The following SPNS3 variants were observed in gnomAD, a reference collection of about 807,000 sequenced individuals.
SPNS3 encodes the protein SPNS lysolipid transporter 3, sphingosine-1-phosphate (putative).
Under a neutral mutation model 54.4 loss-of-function variants are expected in SPNS3, and 51 were observed. That is an observed-to-expected ratio of 0.94 (90% confidence interval 0.75 to 1.18). The LOEUF (loss-of-function observed/expected upper bound fraction) is 1.18, where lower values mean the gene tolerates loss of function less well. SPNS3 is among the 50% of genes most tolerant of loss of function. SPNS3 has a pLI of 0.00. For missense variants in SPNS3, 669 were observed against 677.4 expected (o/e 0.99, Z 0.14); for synonymous variants, 309 against 294.7 (o/e 1.05, Z -0.50).
intron 8 of SPNS3, among the ~76,000 whole-genome samples, chr17:4,468,540 G>A (rs1441971037): frequency 6.6e-6 from 1 of 151,836 alleles, no homozygotes; most frequent in East Asian, 1.9e-4. Context: ...GCAGCTAGAA[G>A]CATATGGAGT....
At position 4,434,066 on chromosome 17, in the gene SPNS3, GC is replaced by G. The variant is rs1970652683; in HGVS notation, c.102del (p.Thr35ProfsTer23). ...GCAGGCAGTGTCCCCCTCCCATCAC[GC>G]CCACCTCCTGGAGCCTGCCCCCGTG... ...PGRQCPPPITPTSWSLPPWRA... is the reference protein window; with the variant it reads ...PGRQCPPPITXTSWSLPPWRA... On this transcript the variant is annotated frameshift_variant, in exon 1 of 12. Transcript: ENST00000355530. LOFTEE classifies it high-confidence loss of function. 6 of 1,611,074 alleles carry G rather than the reference GC, an allele frequency of 3.7e-6. No individual in the cohort carries two copies. Among genetic ancestry groups the G allele is most frequent in the Non-Finnish European group, 5.1e-6 (6 of 1,178,798 alleles).
intron 8 of SPNS3, among the ~76,000 whole-genome samples, chr17:4,456,722 G>A (rs11867861): frequency 7.0e-6 from 1 of 143,254 alleles, no homozygotes; most frequent in African/African-American, 2.6e-5. Flanking sequence ...GTTTTTTTTG[G>A]TTTTTTTTTT....
chr17:4,471,903 A>G (rs561125849), intron 8 of SPNS3, among the ~76,000 whole-genome samples: 1 of 150,450 alleles, frequency 6.6e-6, no homozygotes, highest in African/African-American at 2.4e-5. Flanking sequence ...CTGTCGCCCA[A>G]GCTGGAGTGC....
chr17:4,456,050 C>G lies in SPNS3; in HGVS notation c.1113+2845C>G, dbSNP rs537476862. Among the ~76,000 whole-genome samples the G allele has an allele frequency of 7.9e-5, 12 of 152,162 alleles. No individual in the cohort carries two copies. In the South Asian group the frequency reaches 2.5e-3, roughly 32 times the overall value. On this transcript the variant is annotated intron_variant, in intron 8 of 11. Coordinates refer to ENST00000355530, the MANE Select transcript of SPNS3 (RefSeq NM_182538.5). ...CAGGCTGGTCTTGAACTCCTGGGCT[C>G]CAGCAATCCTCTTGCCTCAGCCTCC...
At chr17:4,475,327 G>C (rs974566949) in intron 8 of SPNS3, among the ~76,000 whole-genome samples, 3 of 152,214 alleles carry the variant, frequency 2.0e-5, no homozygotes, top group African/African-American at 7.2e-5. Context: ...AGTCCCCTCT[G>C]GGGCTGGTGT....
intron 8 of SPNS3, among the ~76,000 whole-genome samples, chr17:4,470,096 T>C (rs1386647194): frequency 2.0e-5 from 3 of 152,096 alleles, no homozygotes; most frequent in African/African-American, 7.2e-5. Context: ...TGGGGTTATA[T>C]AGTAGTGCAA....
intron 8 of SPNS3, among the ~76,000 whole-genome samples, chr17:4,467,333 C>T (rs1033065708): frequency 1.3e-5 from 2 of 152,174 alleles, no homozygotes; most frequent in South Asian, 2.1e-4. Flanking sequence ...CCCAAAACTT[C>T]GTGGCTTAAA....
chr17:4,458,608 T>C lies in SPNS3; in HGVS notation c.1113+5403T>C, dbSNP rs927837593. ...TCCCTCCTTTCTTTCTTTCTTTCTTTCTTTCTTTCTTTCTTTCTTTCTTTC... is the reference window on the plus strand; with the variant it reads ...TCCCTCCTTTCTTTCTTTCTTTCTTCCTTTCTTTCTTTCTTTCTTTCTTTC... On this transcript the variant is annotated intron_variant, in intron 8 of 11. Transcript: ENST00000355530. Among the ~76,000 whole-genome samples the C allele has an allele frequency of 5.7e-3, 622 of 108,762 alleles. 10 individuals are homozygous for C. The highest frequency in any genetic ancestry group is 0.021 in the African/African-American group (572 of 26,816). The allele number at this position is 108,762 out of a possible 152,430, so 71.4% of individuals were successfully genotyped here.
rs1251315759 is a variant in SPNS3, at chr17:4,486,541, T to TACCTGGAGAGAGACGAG, written c.1412_1428dup (p.Arg477TrpfsTer133). ...CGGCTGCTTCCTGCTGACTGCGCTG[T>TACCTGGAGAGAGACGAG]ACCTGGAGAGAGACGAGACCCGGGC... is the stretch of plus-strand genomic sequence containing the variant. On this transcript the variant is annotated frameshift_variant, in exon 11 of 12. Coordinates refer to ENST00000355530, the MANE Select transcript of SPNS3 (RefSeq NM_182538.5). LOFTEE classifies it low-confidence loss of function (END_TRUNC). This position sits in a 1 kb window ranked among gnomAD's most constrained non-coding sequence, Gnocchi z 5.5. 1.2e-6 allele frequency: 2 copies of TACCTGGAGAGAGACGAG among 1,613,304 alleles called. No individual in the cohort carries two copies. Among genetic ancestry groups the TACCTGGAGAGAGACGAG allele is most frequent in the East Asian group, 4.5e-5 (2 of 44,872 alleles).
Position 4,486,848 on chromosome 17 carries a change from C to A in SPNS3, c.1450+265C>A, listed in dbSNP as rs75900067. The stretch of plus-strand genomic sequence containing the variant: ...TAAAGATATAGCATGTTCAGGGTGA[C>A]GAGTGCTATGGAGAGGTATAAAGCA... On this transcript the variant is annotated intron_variant, in intron 11 of 11. Coordinates refer to ENST00000355530, the MANE Select transcript of SPNS3 (RefSeq NM_182538.5). The surrounding 1 kb of genome is among the most constrained non-coding windows in gnomAD (Gnocchi z 5.5). 0.022 allele frequency among the ~76,000 whole-genome samples: 3,309 copies of A among 152,004 alleles called. 44 individuals are homozygous for A. The highest frequency in any genetic ancestry group is 0.037 in the Middle Eastern group (11 of 294).
In SPNS3 at chr17:4,453,030, C is replaced by T; in HGVS notation, c.938C>T (p.Ala313Val). The stretch of plus-strand genomic sequence containing the variant: ...TTCCCCATCAGCCTGATTTTTGGGG[C>T]ACTGACCATCATGACCGGCGTCATT... ...CSNPDSLIFG[A>V]LTIMTGVIGV... Residue 313 changes from alanine (A) to valine (V), a missense_variant, in exon 8 of 12, where the codon GCA becomes GTA. Physicochemically the swap from Ala to Val is moderately conservative, Grantham distance 64. Coordinates refer to ENST00000355530, the MANE Select transcript of SPNS3 (RefSeq NM_182538.5). The T allele has an allele frequency of 6.2e-7, 1 of 1,613,472 alleles. No individual in the cohort carries two copies. The highest frequency in any genetic ancestry group is 8.5e-7 in the Non-Finnish European group (1 of 1,179,594).
chr17:4,484,507 G>C (rs1972257758), intron 9 of SPNS3, among the ~76,000 whole-genome samples: 1 of 152,090 alleles, frequency 6.6e-6, no homozygotes, highest in Non-Finnish European at 1.5e-5. Flanking sequence ...TTTTAGTAGA[G>C]ATGGGATTTC....
At chr17:4,434,327 G>A (rs998128096) in intron 1 of SPNS3, among the ~76,000 whole-genome samples, 161 bp downstream of exon 1, 9 of 152,214 alleles carry the variant, frequency 5.9e-5, no homozygotes, top group East Asian at 3.9e-4. Context: ...TGCTCGAATC[G>A]GGGAGGACCA....
intron 8 of SPNS3, among the ~76,000 whole-genome samples, chr17:4,466,530 A>C (rs1597330362): frequency 1.0e-5 from 1 of 98,028 alleles, no homozygotes; most frequent in Admixed American, 1.1e-4. Context: ...ACAGAACGAG[A>C]CTCTGTCTCA....
chr17:4,457,081 A>G (rs1971335552), intron 8 of SPNS3, among the ~76,000 whole-genome samples: 3 of 152,314 alleles, frequency 2.0e-5, no homozygotes, highest in African/African-American at 7.2e-5. Flanking sequence ...AATCAGGTAA[A>G]TAGTGGGACA....
intron 8 of SPNS3, among the ~76,000 whole-genome samples, chr17:4,462,870 A>ACCAATCC (rs1971574418): frequency 1.1e-4 from 1 of 9,340 alleles, no homozygotes; most frequent in African/African-American, 3.8e-4. Context: ...CCCACCCACC[A>ACCAATCC]ATCCATCCAT....
At chr17:4,459,696 G>C (rs1971444208) in intron 8 of SPNS3, among the ~76,000 whole-genome samples, 1 of 152,164 alleles carries the variant, frequency 6.6e-6, no homozygotes, top group East Asian at 1.9e-4. Context: ...CTGGGCGACA[G>C]AGCGAGACTC....
chr17:4,463,429 C>G lies in SPNS3; in HGVS notation c.1113+10224C>G, dbSNP rs1597327701. On this transcript the variant is annotated intron_variant, in intron 8 of 11. Transcript: ENST00000355530. ...AAAAAAAACAAAACAAAACAAAAAA[C>G]CAAACCTGAATATACTAGCCAGGCA... Among the ~76,000 whole-genome samples, 3 of 146,422 alleles carry G rather than the reference C, an allele frequency of 2.0e-5. No individual in the cohort carries two copies. The East Asian group carries it at 6.0e-4, about 29-fold the overall frequency.
intron 5 of SPNS3, 92 bp from the exon 6 acceptor site, chr17:4,448,063 C>A: frequency 1.5e-6 from 2 of 1,303,038 alleles, no homozygotes; most frequent in Non-Finnish European, 2.0e-6. Context: ...CAGAGGTCAG[C>A]CACTGGCTGA....
Sources: allele counts gnomAD v4.1 joint callset (sites outside exome capture counted in the v4.1 genomes callset), GRCh38; gene constraint gnomAD v4.1.1; non-coding constraint Gnocchi (gnomAD v3.1); transcripts MANE v1.5; gene names NCBI Gene and HGNC (gene_info 2026-07-23, HGNC 2026-07-21).